The following ARL15 variants were observed in gnomAD, a reference collection of about 807,000 sequenced individuals.
ARL15 encodes the protein ADP-ribosylation factor-like protein 15.
ARL15 carries 19 observed loss-of-function variants against 25.2 expected under a neutral mutation model. That is an observed-to-expected ratio of 0.75 (90% CI 0.53 to 1.10). The LOEUF (loss-of-function observed/expected upper bound fraction) is 1.10, where lower values mean the gene tolerates loss of function less well. Among genes scored for constraint, ARL15 ranks in the 50% least tolerant of loss-of-function variants. ARL15 has a pLI of 0.00. For synonymous variants in ARL15, 94 were observed against 86.8 expected (o/e 1.08, Z -0.46); for missense variants, 220 against 246.0 (o/e 0.89, Z 0.71).
chr5:54,301,229 C>A (rs1428763640), intron 1 of ARL15, among the ~76,000 whole-genome samples: 1 of 152,134 alleles, frequency 6.6e-6, no homozygotes, highest in Non-Finnish European at 1.5e-5. Context: ...ACCTTGAGGG[C>A]AGACTAATGT....
chr5:54,267,576 T>C (rs918246420), intron 1 of ARL15, among the ~76,000 whole-genome samples: 1 of 152,182 alleles, frequency 6.6e-6, no homozygotes, highest in East Asian at 1.9e-4. Context: ...AAACTGTTAA[T>C]CATTCCCTTA....
chr5:54,088,490 C>A (rs1752042291), intron 4 of ARL15, among the ~76,000 whole-genome samples: 1 of 152,184 alleles, frequency 6.6e-6, no homozygotes, highest in Non-Finnish European at 1.5e-5. Context: ...ATTTTCCCAT[C>A]CTTGCCCACT....
At chr5:54,244,157 C>T (rs559013318) in intron 1 of ARL15, among the ~76,000 whole-genome samples, 1 of 152,232 alleles carries the variant, frequency 6.6e-6, no homozygotes, top group African/African-American at 2.4e-5. Context: ...AATAGCATCC[C>T]TATAAGTGAA....
chr5:54,247,744 T>C (rs575761881), intron 1 of ARL15, among the ~76,000 whole-genome samples: 28 of 152,294 alleles, frequency 1.8e-4, no homozygotes, highest in Admixed American at 7.8e-4. Flanking sequence ...TAGCAACGTA[T>C]TTTTGATGTG....
At chr5:53,993,998 G>C (rs899915932) in intron 4 of ARL15, among the ~76,000 whole-genome samples, 1 of 152,158 alleles carries the variant, frequency 6.6e-6, no homozygotes, top group Admixed American at 6.5e-5. Flanking sequence ...TGGCAAGTAA[G>C]TTCATGCGTC....
intron 1 of ARL15, among the ~76,000 whole-genome samples, chr5:54,214,272 A>T (rs538334322): frequency 5.9e-4 from 90 of 152,284 alleles, no homozygotes; most frequent in African/African-American, 2.1e-3. Context: ...TAGATAAGAG[A>T]TATCTTTCCA....
intron 3 of ARL15, among the ~76,000 whole-genome samples, chr5:54,145,492 T>C (rs1352970767): frequency 6.6e-6 from 1 of 152,238 alleles, no homozygotes; most frequent in Non-Finnish European, 1.5e-5. Context: ...TCAACAGTTG[T>C]CGAGTTGCCA....
At chr5:53,974,921 A>G (rs1747878685) in intron 4 of ARL15, among the ~76,000 whole-genome samples, 1 of 152,118 alleles carries the variant, frequency 6.6e-6, no homozygotes, top group Non-Finnish European at 1.5e-5. Context: ...GTGAGGTGGT[A>G]ATCAGTTATA....
rs111255688 is a variant in ARL15 at position 53,993,046 on chromosome 5, C to CA, written c.463-106334dup. 7.8e-4 allele frequency among the ~76,000 whole-genome samples: 108 copies of CA among 138,136 alleles called. 1 individual carries two copies. Among genetic ancestry groups the CA allele is most frequent in the Middle Eastern group, 3.8e-3 (1 of 266 alleles). The allele number at this position is 138,136 out of a possible 152,430, so 90.6% of individuals were successfully genotyped here. On this transcript the variant is annotated intron_variant, in intron 4 of 4. Transcript: ENST00000504924. ...GGGCAACAAGAGTAAAACTCCTTCT[C>CA]AAAAAAAAAAAGAAGTTAAAAAATG...
intron 4 of ARL15, among the ~76,000 whole-genome samples, chr5:54,053,555 C>T (rs950929137): frequency 2.0e-5 from 3 of 152,080 alleles, no homozygotes; most frequent in Non-Finnish European, 4.4e-5. Context: ...CTGACAAACA[C>T]TACCTCAAGC....
At chr5:54,077,755 G>C (rs1421059659) in intron 4 of ARL15, among the ~76,000 whole-genome samples, 5 of 152,122 alleles carry the variant, frequency 3.3e-5, no homozygotes, top group African/African-American at 1.2e-4. Flanking sequence ...CCTTAATCCA[G>C]GTAAGCTGTC....
At chr5:54,231,489 G>A (rs1756670248) in intron 1 of ARL15, among the ~76,000 whole-genome samples, 1 of 151,976 alleles carries the variant, frequency 6.6e-6, no homozygotes, top group Non-Finnish European at 1.5e-5. Context: ...ACATTTTGAT[G>A]TCTCACCAAA....
chr5:54,039,693 T>C (rs564828002), intron 4 of ARL15, among the ~76,000 whole-genome samples: 65 of 150,616 alleles, frequency 4.3e-4, no homozygotes, highest in Admixed American at 1.1e-3. Flanking sequence ...TCTCAGCTAC[T>C]TGGGAGGCTG....
chr5:54,309,931 T>C (rs1419407690), intron 1 of ARL15, among the ~76,000 whole-genome samples: 1 of 152,184 alleles, frequency 6.6e-6, no homozygotes, highest in Non-Finnish European at 1.5e-5. Flanking sequence ...GTAATGTGCT[T>C]TTAAAACCCC....
intron 3 of ARL15, among the ~76,000 whole-genome samples, chr5:54,144,094 AAGAG>A (rs555103605): frequency 4.9e-4 from 74 of 152,186 alleles, no homozygotes; most frequent in African/African-American, 1.8e-3. Flanking sequence ...GTATGTGTGA[AAGAG>A]AGAGAAATCG....
intron 3 of ARL15, among the ~76,000 whole-genome samples, chr5:54,122,230 C>T (rs1260021197): frequency 6.6e-6 from 1 of 152,218 alleles, no homozygotes; most frequent in Non-Finnish European, 1.5e-5. Context: ...TCATTGCTGT[C>T]TAGATTTCTT....
chr5:54,271,905 C>CATTTATTTATTT (rs34653736), intron 1 of ARL15, among the ~76,000 whole-genome samples: 78 of 146,382 alleles, frequency 5.3e-4, no homozygotes, highest in East Asian at 5.0e-3. Flanking sequence ...CTGTGCTTAA[C>CATTTATTTATTT]ATTTATTTAT....
intron 4 of ARL15, among the ~76,000 whole-genome samples, chr5:53,969,352 T>C (rs1054670491): frequency 6.6e-6 from 1 of 152,218 alleles, no homozygotes; most frequent in Non-Finnish European, 1.5e-5. Context: ...TATCATACTT[T>C]TTTTCTTTTT....
intron 4 of ARL15, among the ~76,000 whole-genome samples, chr5:53,917,570 C>T (rs893402327): frequency 1.3e-5 from 2 of 152,186 alleles, no homozygotes; most frequent in African/African-American, 4.8e-5. Flanking sequence ...ACAACCCCAC[C>T]TCCTGCTCCC....
Sources: gnomAD v4.1 joint callset for allele counts (sites outside exome capture counted in the v4.1 genomes callset) on GRCh38, gnomAD v4.1.1 for gene constraint, MANE v1.5 for transcripts, NCBI Gene and HGNC (gene_info 2026-07-23, HGNC 2026-07-21) for gene names.